VEGFB: variants seen among roughly 807,000 people sequenced by gnomAD.
VEGFB encodes the protein VEGF-related factor.
A neutral mutation model predicts 22.5 loss-of-function variants in VEGFB; 24 were observed. The ratio of observed to expected loss-of-function variants is 1.07; its 90% CI spans 0.77 to 1.50. VEGFB has a LOEUF of 1.50. Among genes scored for constraint, VEGFB ranks in the 40% most tolerant of loss-of-function variants. VEGFB has a pLI of 0.00. For synonymous variants in VEGFB, 141 were observed against 117.4 expected (o/e 1.20, Z -1.30); for missense variants, 327 against 287.8 (o/e 1.14, Z -0.99).
At position 64,237,121 on chromosome 11, in the gene VEGFB, G is replaced by GTA. The variant is rs1305786638; in HGVS notation, c.375-66_375-65insTA. On this transcript the variant is annotated intron_variant, in intron 4 of 6. Coordinates refer to ENST00000309422, the MANE Select transcript of VEGFB (RefSeq NM_003377.5). ...AGAGAGAGAGAGAGAGAGAGAGAGA[G>GTA]AGTAGGATGCTGGGATTTCCTGATC... The GTA allele has an allele frequency of 8.0e-6, 5 of 625,520 alleles. 1 individual carries two copies. The highest frequency in any genetic ancestry group is 1.2e-5 in the Non-Finnish European group (5 of 406,560). The allele number at this position is 625,520 out of a possible 1,614,324, so 38.7% of individuals were successfully genotyped here.
chr11:64,237,712 G>A (rs2030214478), intron 6 of VEGFB, 57 bp downstream of exon 6: 3 of 1,455,766 alleles, frequency 2.1e-6, no homozygotes, highest in South Asian at 1.3e-5. Context: ...CTGTCCTGGA[G>A]CAGGTCCAGG....
In VEGFB at chr11:64,236,623, A is replaced by G. The variant is rs1344575516; in HGVS notation, c.374+296A>G. On this transcript the variant is annotated intron_variant, in intron 4 of 6. Coordinates refer to ENST00000309422, the MANE Select transcript of VEGFB (RefSeq NM_003377.5). ...TCCCAGCTACTCCGGAGGCTGAGGC[A>G]GGAGAATGGCATGAACCTGGGAGGC... is the stretch of plus-strand genomic sequence containing the variant. Among the ~76,000 whole-genome samples, 3 of 148,054 alleles carry G rather than the reference A, an allele frequency of 2.0e-5. No homozygotes were observed. The East Asian group carries it at 6.1e-4, about 30-fold the overall frequency.
chr11:64,235,901 G>A lies in VEGFB; in HGVS notation c.192G>A (p.Val64=). Residue 64 remains valine (V), a synonymous_variant, in exon 3 of 7, where the codon GTG becomes GTA. Coordinates refer to ENST00000309422, the MANE Select transcript of VEGFB (RefSeq NM_003377.5). Reference sequence around the variant, plus strand: ...TGACTGTGGAGCTCATGGGCACCGTGGCCAAACAGCTGGTGCCCAGCTGCG... The same window carrying A: ...TGACTGTGGAGCTCATGGGCACCGTAGCCAAACAGCTGGTGCCCAGCTGCG... ...VPLTVELMGT[V]AKQLVPSCVT... The A allele has an allele frequency of 6.2e-7, 1 of 1,613,774 alleles. No homozygotes were observed. The highest frequency in any genetic ancestry group is 1.1e-5 in the South Asian group (1 of 91,078).
chr11:64,236,137 G>A lies in VEGFB; in HGVS notation c.301-117G>A, dbSNP rs560043323. 27 of 1,535,124 alleles carry A rather than the reference G, an allele frequency of 1.8e-5. No individual in the cohort carries two copies. In the East Asian group the frequency reaches 4.8e-4, roughly 27 times the overall value. On this transcript the variant is annotated intron_variant, in intron 3 of 6. Coordinates refer to ENST00000309422, the MANE Select transcript of VEGFB (RefSeq NM_003377.5). ...GACTGATGCACAGGAGACAGGGTTG[G>A]GGGGAGGGCTGGTGGCCAGCCTCCC...
At position 64,238,526 on chromosome 11, in the gene VEGFB, T is replaced by A; in HGVS notation, c.*193T>A. 2 of 885,074 alleles carry A rather than the reference T, an allele frequency of 2.3e-6. No individual in the cohort carries two copies. The highest frequency in any genetic ancestry group is 3.1e-5 in the South Asian group (2 of 63,604). The allele number at this position is 885,074 out of a possible 1,614,324, so 54.8% of individuals were successfully genotyped here. A position where few individuals can be genotyped will look rare whatever the true frequency, so the allele number is the denominator to read the frequency against. ...CTAGGACCTGGGCCTCTCAGAGGGC[T>A]CTTCTGCCATCCCTTGTCTCCCTGA... is the stretch of plus-strand genomic sequence containing the variant. On this transcript the variant is annotated 3_prime_UTR_variant, in exon 7 of 7. Coordinates refer to ENST00000309422, the MANE Select transcript of VEGFB (RefSeq NM_003377.5).
intron 3 of VEGFB, 23 bp downstream of exon 3, chr11:64,236,032 G>T: frequency 6.4e-7 from 1 of 1,563,942 alleles, no homozygotes; most frequent in African/African-American, 1.4e-5. Flanking sequence ...TGGGGCAACG[G>T]GCAGGGGATG....
At chr11:64,237,716 G>C in intron 6 of VEGFB, 61 bp downstream of exon 6, 1 of 1,425,956 alleles carries the variant, frequency 7.0e-7, no homozygotes, top group Non-Finnish European at 9.3e-7. Context: ...CCTGGAGCAG[G>C]TCCAGGGTGA....
intron 4 of VEGFB, 65 bp downstream of exon 4, chr11:64,236,392 T>G: frequency 6.6e-7 from 1 of 1,512,594 alleles, no homozygotes; most frequent in Non-Finnish European, 9.1e-7. Context: ...GGTATGGTGG[T>G]CCACAGAACT....
chr11:64,236,081 C>A, intron 3 of VEGFB, 72 bp downstream of exon 3: 1 of 1,525,352 alleles, frequency 6.6e-7, no homozygotes, highest in South Asian at 1.2e-5. Flanking sequence ...AGGGTGGATG[C>A]TGGCTGGCTC....
intron 5 of VEGFB, 46 bp from the exon 6 acceptor site, chr11:64,237,374 G>A: frequency 1.9e-6 from 3 of 1,549,264 alleles, no homozygotes; most frequent in East Asian, 4.6e-5. Flanking sequence ...CAGCTCTAGG[G>A]AAGACTCTTC....
At chr11:64,237,319 T>C (rs898051530) in intron 5 of VEGFB, 97 bp downstream of exon 5, 25 of 1,510,612 alleles carry the variant, frequency 1.7e-5, no homozygotes, top group Non-Finnish European at 2.3e-5. Flanking sequence ...TCCCCCACTT[T>C]CCCTTTTCCT....
intron 1 of VEGFB, 87 bp from the exon 2 acceptor site, chr11:64,235,371 C>T: frequency 1.6e-6 from 2 of 1,277,396 alleles, no homozygotes; most frequent in Non-Finnish European, 2.3e-6. Context: ...GTGAAGCCTA[C>T]TGATGCAAGG....
At position 64,234,757 on chromosome 11, in the gene VEGFB, C is replaced by A; in HGVS notation, c.-77C>A. On this transcript the variant is annotated 5_prime_UTR_variant, in exon 1 of 7. Transcript: ENST00000309422. The surrounding 1 kb of genome is among the most constrained non-coding windows in gnomAD (Gnocchi z 5.3). The stretch of plus-strand genomic sequence containing the variant: ...CCGCGCCCGGGCCCGCGCCATGGGG[C>A]TCTGGCTGTCGCCGCCCCCCGCGCC... 1.7e-6 allele frequency: 1 copy of A among 593,822 alleles called. No homozygotes were observed. Among genetic ancestry groups the A allele is most frequent in the Non-Finnish European group, 2.1e-6 (1 of 474,758 alleles). The allele number at this position is 593,822 out of a possible 1,614,324, so 36.8% of individuals were successfully genotyped here. A position where few individuals can be genotyped will look rare whatever the true frequency, so the allele number is the denominator to read the frequency against.
At chr11:64,236,714 C>CA (rs1844887458) in intron 4 of VEGFB, among the ~76,000 whole-genome samples, 1 of 17,096 alleles carries the variant, frequency 5.8e-5, no homozygotes, top group African/African-American at 2.2e-4. Flanking sequence ...AAGACTCTGC[C>CA]ACAAAAAAAA....
chr11:64,235,518 T>G lies in VEGFB; in HGVS notation c.103+18T>G. On this transcript the variant is annotated intron_variant, in intron 2 of 6. Coordinates refer to ENST00000309422, the MANE Select transcript of VEGFB (RefSeq NM_003377.5). The stretch of plus-strand genomic sequence containing the variant: ...GAGGAAAGGTAATACTTACAAAAAC[T>G]CGGCACTAGCCAGCACTAAGAGGGT... 2 of 1,613,568 alleles carry G rather than the reference T, an allele frequency of 1.2e-6. No individual in the cohort carries two copies. The highest frequency in any genetic ancestry group is 1.7e-6 in the Non-Finnish European group (2 of 1,179,744).
rs748964141 is a variant in VEGFB at position 64,237,596 on chromosome 11, A to C, written c.587A>C (p.Asp196Ala). 52 of 1,590,666 alleles carry C rather than the reference A, an allele frequency of 3.3e-5. No individual in the cohort carries two copies. Among genetic ancestry groups the C allele is most frequent in the Admixed American group, 5.1e-5 (3 of 58,322 alleles). Residue 196 changes from aspartate (D) to alanine (A), a missense_variant, in exon 6 of 7, where the codon GAC (aspartate) becomes GCC (alanine). Physicochemically the swap from Asp to Ala is moderately radical, Grantham distance 126 (BLOSUM62 -2). Coordinates refer to ENST00000309422, the MANE Select transcript of VEGFB (RefSeq NM_003377.5). Reference protein sequence around the residue: ...LTPGPAAAAADAAASSVAKGG... With the variant: ...LTPGPAAAAAAAAASSVAKGG... Reference sequence around the variant, plus strand: ...CCCGGACCTGCCGCTGCCGCTGCCGACGCCGCAGCTTCCTCCGTTGCCAAG... The same window carrying C: ...CCCGGACCTGCCGCTGCCGCTGCCGCCGCCGCAGCTTCCTCCGTTGCCAAG...
intron 5 of VEGFB, 31 bp downstream of exon 5, chr11:64,237,253 G>T (rs776742776): frequency 4.4e-6 from 7 of 1,597,256 alleles, no homozygotes; most frequent in South Asian, 2.2e-5. Flanking sequence ...CTGAGTAGGG[G>T]TATGGGGAGT....
chr11:64,239,113 G>A lies in VEGFB; in HGVS notation c.*780G>A, dbSNP rs536665795. Among the ~76,000 whole-genome samples, 1 of 152,182 alleles carries A rather than the reference G, an allele frequency of 6.6e-6. No individual in the cohort carries two copies. The highest frequency in any genetic ancestry group is 1.9e-4 in the East Asian group (1 of 5,200). ...GGACCCAGATCTACTGAGTGACCTT[G>A]CTTGTCACTACCCCTGCCTCTCTGA... On this transcript the variant is annotated 3_prime_UTR_variant, in exon 7 of 7. Transcript: ENST00000309422.
At chr11:64,237,926 A>G in intron 6 of VEGFB, 1 of 498,736 alleles carries the variant, frequency 2.0e-6, no homozygotes, top group Non-Finnish European at 3.6e-6. Context: ...TTCAGAGGTC[A>G]GAGATCTCTT....
Sources: allele counts gnomAD v4.1 joint callset (sites outside exome capture counted in the v4.1 genomes callset), GRCh38; gene constraint gnomAD v4.1.1; non-coding constraint Gnocchi (gnomAD v3.1); transcripts MANE v1.5; gene names NCBI Gene and HGNC (gene_info 2026-07-23, HGNC 2026-07-21).